PRKN: variants seen among roughly 807,000 people sequenced by gnomAD.
PRKN encodes parkin RBR E3 ubiquitin protein ligase.
PRKN carries 56 observed loss-of-function variants against 59.5 expected under a neutral mutation model. The ratio of observed to expected loss-of-function variants is 0.94; its 90% CI spans 0.76 to 1.18. The LOEUF is 1.18. PRKN is among the 50% of genes most tolerant of loss of function. The probability of loss-of-function intolerance (pLI) is 0.00; values close to 1 mark genes in which losing one functional copy is unlikely to be tolerated. For missense variants in PRKN, 657 were observed against 596.4 expected (o/e 1.10, Z -1.06); for synonymous variants, 250 against 222.1 (o/e 1.13, Z -1.12).
In PRKN at chr6:161,582,490, G is replaced by A. The variant is rs890610134; in HGVS notation, c.872-13074C>T. 1.3e-5 allele frequency among the ~76,000 whole-genome samples: 2 copies of A among 151,616 alleles called. No individual in the cohort carries two copies. The highest frequency in any genetic ancestry group is 4.8e-5 in the African/African-American group (2 of 41,250). On this transcript the variant is annotated intron_variant, in intron 7 of 11. Coordinates refer to ENST00000366898, the MANE Select transcript of PRKN (RefSeq NM_004562.3). This position sits in a 1 kb window ranked among gnomAD's most constrained non-coding sequence, Gnocchi z 4.4. ...CGCCTAGGCTGGAGTGCAGTGGCGC[G>A]ATCTAGGCTCACTGCAAGCTCCGCC... is the stretch of plus-strand genomic sequence containing the variant.
At position 162,385,208 on chromosome 6, in the gene PRKN, T is replaced by A. The variant is rs73602287; in HGVS notation, c.171+58102A>T. 3.9e-3 allele frequency among the ~76,000 whole-genome samples: 599 copies of A among 152,242 alleles called. 7 individuals are homozygous for A. Among genetic ancestry groups the A allele is most frequent in the African/African-American group, 0.014 (575 of 41,542 alleles). ...TCCCTCAAGGAATTGAGTAATAAAC[T>A]AAGTTTTAACCACCAATGGTAGCAG... On this transcript the variant is annotated intron_variant, in intron 2 of 11. Coordinates refer to ENST00000366898, the MANE Select transcript of PRKN (RefSeq NM_004562.3).
rs528411077 is a variant in PRKN at position 161,357,469 on chromosome 6, C to T, written c.1285+2619G>A. Among the ~76,000 whole-genome samples the T allele has an allele frequency of 3.3e-4, 50 of 152,374 alleles. No individual in the cohort carries two copies. The highest frequency in any genetic ancestry group is 6.8e-3 in the Middle Eastern group (2 of 294). ...AATTCTCCACCTGCCGTGCCTGTGA[C>T]GCCTGCCAGAAGTGGGAACATGGGT... is the stretch of plus-strand genomic sequence containing the variant. On this transcript the variant is annotated intron_variant, in intron 11 of 11. Transcript: ENST00000366898. This position sits in a 1 kb window ranked among gnomAD's most constrained non-coding sequence, Gnocchi z 5.5.
chr6:162,542,935 C>A (rs1778981801), intron 1 of PRKN, among the ~76,000 whole-genome samples: 1 of 152,068 alleles, frequency 6.6e-6, no homozygotes, highest in South Asian at 2.1e-4. Context: ...CACCTCCAGC[C>A]CCTCTGAGGG....
At chr6:161,874,379 T>A (rs1274609654) in intron 6 of PRKN, among the ~76,000 whole-genome samples, 1 of 91,884 alleles carries the variant, frequency 1.1e-5, no homozygotes. Flanking sequence ...ATATTATATA[T>A]AAAATATATA....
intron 4 of PRKN, among the ~76,000 whole-genome samples, chr6:162,099,469 A>G (rs1384551194): frequency 6.6e-6 from 1 of 152,194 alleles, no homozygotes; most frequent in African/African-American, 2.4e-5. Flanking sequence ...TGTAACACCA[A>G]TGACTTCTAG....
At chr6:161,775,633 T>C (rs1369010988) in intron 7 of PRKN, among the ~76,000 whole-genome samples, 2 of 152,224 alleles carry the variant, frequency 1.3e-5, no homozygotes, top group Non-Finnish European at 2.9e-5. Flanking sequence ...TCTTTTAATA[T>C]ATTTACCTAG....
chr6:161,833,762 C>T (rs1185017334), intron 6 of PRKN, among the ~76,000 whole-genome samples: 1 of 152,158 alleles, frequency 6.6e-6, no homozygotes. Flanking sequence ...GCACCCACGA[C>T]AGTGGACACA....
chr6:161,833,799 C>T (rs567317758), intron 6 of PRKN, among the ~76,000 whole-genome samples: 1 of 152,300 alleles, frequency 6.6e-6, no homozygotes, highest in African/African-American at 2.4e-5. Flanking sequence ...ATGTGGGAAG[C>T]AGCACTCCAG....
chr6:162,659,259 C>T (rs1190417171), intron 1 of PRKN, among the ~76,000 whole-genome samples: 1 of 151,960 alleles, frequency 6.6e-6, no homozygotes, highest in Non-Finnish European at 1.5e-5. Flanking sequence ...GTTGTTTGGC[C>T]AACTTCCAGC....
At position 162,321,646 on chromosome 6, in the gene PRKN, A is replaced by G. The variant is rs1482203236; in HGVS notation, c.172-58881T>C. On this transcript the variant is annotated intron_variant, in intron 2 of 11. Transcript: ENST00000366898. ...AACAAATAGAATTCAACAATATGTCAAATAACGATACATTGTGACTGAATG... is the reference window on the plus strand; with the variant it reads ...AACAAATAGAATTCAACAATATGTCGAATAACGATACATTGTGACTGAATG... 2.0e-5 allele frequency among the ~76,000 whole-genome samples: 3 copies of G among 152,070 alleles called. No individual in the cohort carries two copies. The East Asian group carries it at 5.8e-4, about 29-fold the overall frequency.
rs1292159741 is a variant in PRKN, at chr6:161,485,437, A to C, written c.1083+63417T>G. The stretch of plus-strand genomic sequence containing the variant: ...TAATGGACAATGTGAACACTCAGAC[A>C]GGGCTGATTTTCTAATCAATGGTAA... On this transcript the variant is annotated intron_variant, in intron 9 of 11. Transcript: ENST00000366898. Among the ~76,000 whole-genome samples the C allele has an allele frequency of 2.6e-5, 4 of 152,224 alleles. No homozygotes were observed. The East Asian group carries it at 7.7e-4, about 29-fold the overall frequency.
intron 9 of PRKN, among the ~76,000 whole-genome samples, chr6:161,474,760 A>G (rs1262600467): frequency 6.6e-6 from 1 of 150,426 alleles, no homozygotes; most frequent in African/African-American, 2.5e-5. Flanking sequence ...ATGCCTGGCT[A>G]ACTTTTTTTT....
rs367960181 is a variant in PRKN at position 161,362,321 on chromosome 6, G to A, written c.1168-2116C>T. Among the ~76,000 whole-genome samples the A allele has an allele frequency of 1.3e-5, 2 of 152,192 alleles. No homozygotes were observed. The highest frequency in any genetic ancestry group is 4.1e-4 in the South Asian group (2 of 4,826). Reference sequence around the variant, plus strand: ...CAAATCCTCCTGGTTCGGGAGGAAGGAACCTGGCATTTGCTGTGGGGCTAT... The same window carrying A: ...CAAATCCTCCTGGTTCGGGAGGAAGAAACCTGGCATTTGCTGTGGGGCTAT... On this transcript the variant is annotated intron_variant, in intron 10 of 11. Coordinates refer to ENST00000366898, the MANE Select transcript of PRKN (RefSeq NM_004562.3). The surrounding 1 kb of genome is among the most constrained non-coding windows in gnomAD (Gnocchi z 5.2).
intron 4 of PRKN, among the ~76,000 whole-genome samples, chr6:162,185,288 T>TC (rs1562566079): frequency 1.3e-5 from 2 of 151,980 alleles, no homozygotes; most frequent in African/African-American, 4.8e-5. Context: ...ACTTACTTTT[T>TC]CCCCCCACTA....
In PRKN at chr6:162,123,571, A is replaced by G. The variant is rs12663249; in HGVS notation, c.535-69397T>C. 2.5e-3 allele frequency among the ~76,000 whole-genome samples: 388 copies of G among 152,322 alleles called. 19 individuals carry two copies. In the East Asian group the frequency reaches 0.062, roughly 24 times the overall value. ...GTTATAAGATTCTGTTGCAAGTAAGAAGAAACTACAAGAGAAATTAACATC... is the reference window on the plus strand; with the variant it reads ...GTTATAAGATTCTGTTGCAAGTAAGGAGAAACTACAAGAGAAATTAACATC... On this transcript the variant is annotated intron_variant, in intron 4 of 11. Transcript: ENST00000366898.
At position 161,386,812 on chromosome 6, in the gene PRKN, G is replaced by A; in HGVS notation, c.1149C>T (p.Ala383=). 6.2e-7 allele frequency: 1 copy of A among 1,613,556 alleles called. No individual in the cohort carries two copies. Among genetic ancestry groups the A allele is most frequent in the Non-Finnish European group, 8.5e-7 (1 of 1,179,520 alleles). The change falls in exon 10 of 12, where the codon GCC becomes GCT. Residue 383 remains alanine (A), a synonymous_variant. Transcript: ENST00000366898. The surrounding 1 kb of genome is among the most constrained non-coding windows in gnomAD (Gnocchi z 4.3). ...HEGECSAVFE[A]SGTTTQAYRV... ...TCTGTACCTGAGTAGTTGTTCCTGA[G>A]GCTTCAAATACGGCACTGCACTCCC...
intron 2 of PRKN, among the ~76,000 whole-genome samples, chr6:162,374,767 A>C (rs1404009394): frequency 2.0e-5 from 3 of 152,080 alleles, no homozygotes; most frequent in Non-Finnish European, 4.4e-5. Context: ...ACATTTGAGA[A>C]AATATAGTAT....
chr6:162,303,290 A>C (rs890649544), intron 2 of PRKN, among the ~76,000 whole-genome samples: 17 of 152,170 alleles, frequency 1.1e-4, no homozygotes, highest in Non-Finnish European at 2.1e-4. Flanking sequence ...CAGTTTTCAA[A>C]GAACTTTGAT....
intron 7 of PRKN, among the ~76,000 whole-genome samples, chr6:161,674,976 G>A (rs1006245281): frequency 1.1e-4 from 16 of 152,172 alleles, no homozygotes; most frequent in Admixed American, 9.8e-4. Flanking sequence ...CTATTGATTA[G>A]CTCTGGGTGT....
Sources: gnomAD v4.1 joint callset for allele counts (sites outside exome capture counted in the v4.1 genomes callset) on GRCh38, gnomAD v4.1.1 for gene constraint, Gnocchi (gnomAD v3.1) non-coding constraint, MANE v1.5 for transcripts, NCBI Gene and HGNC (gene_info 2026-07-23, HGNC 2026-07-21) for gene names.